NSUN3: variants seen among roughly 807,000 people sequenced by gnomAD.
NSUN3 encodes the protein tRNA (cytosine(34)-C(5))-methyltransferase, mitochondrial.
NSUN3 carries 24 observed loss-of-function variants against 36.8 expected under a neutral mutation model. That is an observed-to-expected ratio of 0.65 (90% CI 0.47 to 0.92). The LOEUF (loss-of-function observed/expected upper bound fraction) is 0.92, where lower values mean the gene tolerates loss of function less well. Among genes scored for constraint, NSUN3 ranks in the 40% least tolerant of loss-of-function variants. NSUN3 has a pLI of 0.00. For synonymous variants in NSUN3, 146 were observed against 145.2 expected, an observed-to-expected ratio of 1.01 and a Z score of -0.04; for missense variants, 381 against 392.8, an observed-to-expected ratio of 0.97 and a Z score of 0.25.
intron 5 of NSUN3, among the ~76,000 whole-genome samples, chr3:94,097,274 G>A (rs2077345620): frequency 1.3e-5 from 2 of 152,022 alleles, no homozygotes; most frequent in East Asian, 3.9e-4. Context: ...TTTCTTCTCA[G>A]AGTTAACTGT....
intron 5 of NSUN3, among the ~76,000 whole-genome samples, chr3:94,098,187 T>C (rs532356392): frequency 1.3e-5 from 2 of 152,184 alleles, no homozygotes; most frequent in African/African-American, 2.4e-5. Flanking sequence ...TCAACTTTCC[T>C]TTTTCTCATA....
At chr3:94,076,609 A>G (rs1481282633) in intron 2 of NSUN3, 4 of 903,906 alleles carry the variant, frequency 4.4e-6, no homozygotes, top group Non-Finnish European at 7.5e-6. Flanking sequence ...GTAAGTGCCC[A>G]CTGAGATTTG....
At chr3:94,124,148 CTTTTTTTT>C (rs58987431) in intron 5 of NSUN3, among the ~76,000 whole-genome samples, 2 of 88,186 alleles carry the variant, frequency 2.3e-5, no homozygotes, top group African/African-American at 9.2e-5. Flanking sequence ...TATTTTATTT[CTTTTTTTT>C]TTTTTTTTTT....
At chr3:94,104,140 T>G (rs2077376930) in intron 5 of NSUN3, among the ~76,000 whole-genome samples, 1 of 152,148 alleles carries the variant, frequency 6.6e-6, no homozygotes, top group South Asian at 2.1e-4. Context: ...CGTATCAACT[T>G]CATAAGGTAT....
At chr3:94,068,679 A>G (rs1390744037) in intron 2 of NSUN3, among the ~76,000 whole-genome samples, 1 of 152,192 alleles carries the variant, frequency 6.6e-6, no homozygotes, top group African/African-American at 2.4e-5. Flanking sequence ...ACTTTATAGA[A>G]AGCAAAACAA....
intron 5 of NSUN3, among the ~76,000 whole-genome samples, chr3:94,101,416 T>C (rs990761587): frequency 2.0e-5 from 3 of 152,144 alleles, no homozygotes; most frequent in African/African-American, 7.2e-5. Flanking sequence ...GTTTTCTGGT[T>C]TTTTTTAACA....
At chr3:94,122,638 C>CAT in intron 5 of NSUN3, among the ~76,000 whole-genome samples, 1 of 152,272 alleles carries the variant, frequency 6.6e-6, no homozygotes, top group African/African-American at 2.4e-5. Context: ...CTTAAATACA[C>CAT]ATCACACCTT....
chr3:94,100,798 G>A (rs2077362827), intron 5 of NSUN3, among the ~76,000 whole-genome samples: 1 of 152,158 alleles, frequency 6.6e-6, no homozygotes, highest in South Asian at 2.1e-4. Flanking sequence ...CTGCGTGAAG[G>A]CATGCAGTCA....
chr3:94,063,651 T>C (rs1230995584), intron 1 of NSUN3, among the ~76,000 whole-genome samples: 1 of 152,166 alleles, frequency 6.6e-6, no homozygotes, highest in Non-Finnish European at 1.5e-5. Context: ...AAGTTCTTGC[T>C]CTGTCACCCA....
chr3:94,099,357 C>T (rs898271729), intron 5 of NSUN3, among the ~76,000 whole-genome samples: 6 of 152,140 alleles, frequency 3.9e-5, no homozygotes, highest in African/African-American at 1.2e-4. Context: ...AACTAAGGCT[C>T]TTCTGTAGTG....
intron 5 of NSUN3, among the ~76,000 whole-genome samples, chr3:94,121,260 T>TA (rs1300192874): frequency 6.6e-6 from 1 of 152,176 alleles, no homozygotes; most frequent in Non-Finnish European, 1.5e-5. Flanking sequence ...GCAGCTCACA[T>TA]ACCTGAGCTC....
At chr3:94,074,816 C>T (rs923326362) in intron 2 of NSUN3, among the ~76,000 whole-genome samples, 1 of 152,138 alleles carries the variant, frequency 6.6e-6, no homozygotes, top group African/African-American at 2.4e-5. Context: ...TGCCTGATTG[C>T]CCTGGCTAGA....
chr3:94,083,232 G>T (rs1203001746), intron 2 of NSUN3, among the ~76,000 whole-genome samples: 1 of 151,970 alleles, frequency 6.6e-6, no homozygotes, highest in Non-Finnish European at 1.5e-5. Flanking sequence ...AACAGTAGAG[G>T]GTCTTGACTG....
intron 5 of NSUN3, among the ~76,000 whole-genome samples, chr3:94,111,198 T>A (rs1027665032): frequency 6.6e-6 from 1 of 152,030 alleles, no homozygotes; most frequent in Non-Finnish European, 1.5e-5. Flanking sequence ...ACAGTAAAAA[T>A]ATGCTATAAA....
At position 94,126,459 on chromosome 3, in the gene NSUN3, T is replaced by G; in HGVS notation, c.992T>G (p.Leu331Trp). The change falls in exon 6 of 6, where the codon TTG (leucine) becomes TGG (tryptophan). Residue 331 changes from leucine (L) to tryptophan (W), a missense_variant. Leu to Trp is a moderately conservative substitution (Grantham distance 61). Transcript: ENST00000314622. ...KAWGPMYVAK[L>W]KKSWSTGKW ...TGGGGCCCAATGTATGTAGCCAAAT[T>G]GAAGAAATCATGGAGCACAGGAAAA... The G allele has an allele frequency of 6.2e-7, 1 of 1,610,692 alleles. No homozygotes were observed. The highest frequency in any genetic ancestry group is 8.5e-7 in the Non-Finnish European group (1 of 1,177,044).
intron 5 of NSUN3, among the ~76,000 whole-genome samples, chr3:94,124,336 A>G (rs1244386833): frequency 6.6e-6 from 1 of 151,828 alleles, no homozygotes; most frequent in Non-Finnish European, 1.5e-5. Flanking sequence ...CATGTGGTCC[A>G]TGCTGGTCTC....
chr3:94,108,944 C>T (rs778851380), intron 5 of NSUN3, among the ~76,000 whole-genome samples: 64 of 152,194 alleles, frequency 4.2e-4, no homozygotes, highest in Non-Finnish European at 6.0e-4. Flanking sequence ...GGATTACTGG[C>T]GTGAGCCACT....
chr3:94,090,027 A>G (rs551279117), intron 3 of NSUN3, among the ~76,000 whole-genome samples: 34 of 152,330 alleles, frequency 2.2e-4, no homozygotes, highest in African/African-American at 7.7e-4. Context: ...TATGGCTCCA[A>G]ATAATTGGAA....
In NSUN3 at chr3:94,063,114, T is replaced by A; in HGVS notation, c.-13T>A. On this transcript the variant is annotated 5_prime_UTR_variant, in exon 1 of 6. Coordinates refer to ENST00000314622, the MANE Select transcript of NSUN3 (RefSeq NM_022072.5). Reference sequence around the variant, plus strand: ...TCGCGTACACCTGTTGTTTGAAAGCTCTCAGCGGGACAATGCTGACCCAGG... The same window carrying A: ...TCGCGTACACCTGTTGTTTGAAAGCACTCAGCGGGACAATGCTGACCCAGG... 3 of 1,613,952 alleles carry A rather than the reference T, an allele frequency of 1.9e-6. No homozygotes were observed. Among genetic ancestry groups the A allele is most frequent in the Non-Finnish European group, 1.7e-6 (2 of 1,179,966 alleles).
Sources: allele counts gnomAD v4.1 joint callset (sites outside exome capture counted in the v4.1 genomes callset), GRCh38; gene constraint gnomAD v4.1.1; transcripts MANE v1.5; gene names NCBI Gene and HGNC (gene_info 2026-07-23, HGNC 2026-07-21).